CEP126: variants seen among roughly 807,000 people sequenced by gnomAD.
CEP126 encodes centrosomal protein 126.
A neutral mutation model predicts 107.8 loss-of-function variants in CEP126; 74 were observed. That is an observed-to-expected ratio of 0.69 (90% CI 0.57 to 0.83). The LOEUF is 0.83. Among genes scored for constraint, CEP126 ranks in the 40% least tolerant of loss-of-function variants. The pLI is 0.00. For missense variants in CEP126, 1,237 were observed against 1,281.9 expected (o/e 0.96, Z 0.53); for synonymous variants, 449 against 446.0 (o/e 1.01, Z -0.08).
At chr11:101,973,617 T>C (rs1017364701) in intron 6 of CEP126, among the ~76,000 whole-genome samples, 9 of 152,188 alleles carry the variant, frequency 5.9e-5, no homozygotes, top group African/African-American at 2.2e-4. Flanking sequence ...CACACATCTA[T>C]CTGTGTAACA....
chr11:101,946,423 G>C (rs1940737130), intron 3 of CEP126, among the ~76,000 whole-genome samples: 1 of 152,116 alleles, frequency 6.6e-6, no homozygotes, highest in Non-Finnish European at 1.5e-5. Flanking sequence ...TGGGAGGGTT[G>C]CTTGAGCCAA....
At chr11:101,970,710 T>C (rs1228373034) in intron 6 of CEP126, among the ~76,000 whole-genome samples, 1 of 152,198 alleles carries the variant, frequency 6.6e-6, no homozygotes, top group Non-Finnish European at 1.5e-5. Flanking sequence ...CTGTCCCATT[T>C]TATAAATGAG....
chr11:101,958,041 C>T, intron 4 of CEP126, 127 bp from the exon 5 acceptor site: 2 of 762,246 alleles, frequency 2.6e-6, no homozygotes, highest in South Asian at 1.9e-5. Flanking sequence ...TATATTTCTC[C>T]AATATCCTTA....
intron 5 of CEP126, among the ~76,000 whole-genome samples, chr11:101,958,899 A>G (rs527609750): frequency 6.6e-6 from 1 of 152,324 alleles, no homozygotes; most frequent in South Asian, 2.1e-4. Flanking sequence ...AAAACAGAAG[A>G]TTCCTGGCAG....
chr11:101,997,459 C>A, intron 10 of CEP126, 140 bp from the exon 11 acceptor site: 1 of 1,297,382 alleles, frequency 7.7e-7, no homozygotes, highest in Non-Finnish European at 1.1e-6. Context: ...CTATAAAGTC[C>A]TCTGCAATCT....
At position 101,962,854 on chromosome 11, in the gene CEP126, G is replaced by A. The variant is rs543975605; in HGVS notation, c.1819G>A (p.Ala607Thr). 6.9e-5 allele frequency: 111 copies of A among 1,605,530 alleles called. No individual in the cohort carries two copies. In the South Asian group the frequency reaches 1.2e-3, roughly 17 times the overall value. Residue 607 changes from alanine (A) to threonine (T), a missense_variant, in exon 6 of 11, where the codon GCA becomes ACA. Transcript: ENST00000263468. ...CTTTAAGTTTGGAAATCAAAAAGCA[G>A]CAGCTATCAGAGATAGTATTGAATT... ...QSFKFGNQKA[A>T]AIRDSIELTK...
intron 2 of CEP126, among the ~76,000 whole-genome samples, chr11:101,925,947 G>A (rs1224957978): frequency 6.6e-6 from 1 of 151,234 alleles, no homozygotes; most frequent in African/African-American, 2.4e-5. Flanking sequence ...GAGCCACTGT[G>A]CCCAGCCATC....
At position 101,958,369 on chromosome 11, in the gene CEP126, A is replaced by G. The variant is rs1940928445; in HGVS notation, c.705+3A>G. On this transcript the variant is annotated splice_donor_region_variant and intron_variant, in intron 5 of 10. Transcript: ENST00000263468. ...ATCAACATCTAAGCAATTTGCAAGTATGAAACTATAAAAATGTTGTTAATA... is the reference window on the plus strand; with the variant it reads ...ATCAACATCTAAGCAATTTGCAAGTGTGAAACTATAAAAATGTTGTTAATA... 2 of 1,610,262 alleles carry G rather than the reference A, an allele frequency of 1.2e-6. No individual in the cohort carries two copies. The highest frequency in any genetic ancestry group is 1.3e-5 in the African/African-American group (1 of 74,718).
intron 2 of CEP126, among the ~76,000 whole-genome samples, chr11:101,937,141 G>T (rs1259605350): frequency 6.6e-6 from 1 of 152,058 alleles, no homozygotes; most frequent in African/African-American, 2.4e-5. Flanking sequence ...AAATAATTTT[G>T]TGCATGAAAC....
chr11:101,921,706 CAAAAA>C (rs1169976779), intron 1 of CEP126, among the ~76,000 whole-genome samples: 1 of 49,412 alleles, frequency 2.0e-5, no homozygotes, highest in Non-Finnish European at 3.7e-5. Flanking sequence ...GACTCTGTCT[CAAAAA>C]AAAAAAAAAA....
chr11:101,948,064 C>G lies in CEP126; in HGVS notation c.428C>G (p.Ala143Gly), dbSNP rs141137406. ...AAACCAGTTCCTCCATTAGAAGAGG[C>G]CCTCAAACAAATTCAGGAATCCAAC... is the stretch of plus-strand genomic sequence containing the variant. ...SRKPVPPLEE[A>G]LKQIQESNLK... Residue 143 changes from alanine to glycine, a missense_variant, in exon 4 of 11, where the codon GCC (alanine) becomes GGC (glycine). Ala to Gly is a moderately conservative substitution (Grantham distance 60). Around this residue, in one of 3 missense-constraint regions of CEP126, gnomAD observed 1,134 missense variants for 1,150.5 expected, o/e 0.99. Transcript: ENST00000263468. 1 of 1,611,460 alleles carries G rather than the reference C, an allele frequency of 6.2e-7. No individual in the cohort carries two copies.
chr11:101,998,796 C>G lies in CEP126; in HGVS notation c.*1153C>G, dbSNP rs1479589237. 1.3e-5 allele frequency: 2 copies of G among 151,982 alleles called. No individual in the cohort carries two copies. The highest frequency in any genetic ancestry group is 2.9e-5 in the Non-Finnish European group (2 of 67,998). The allele number at this position is 151,982 out of a possible 1,614,324, so 9.4% of individuals were successfully genotyped here. ...TGCATATATTTTTTATTTAATCTGA[C>G]CAGCCACCCAAACCATGGGTATTTT... On this transcript the variant is annotated 3_prime_UTR_variant, in exon 11 of 11. Transcript: ENST00000263468.
At position 101,987,007 on chromosome 11, in the gene CEP126, A is replaced by G. The variant is rs142981418; in HGVS notation, c.3210A>G (p.Leu1070=). The change falls in exon 9 of 11, where the codon CTA becomes CTG. Residue 1070 remains leucine, a synonymous_variant. Coordinates refer to ENST00000263468, the MANE Select transcript of CEP126 (RefSeq NM_020802.4). ...CTLSAEEQKI[L]ESLNDLSERL... ...TGTCAGCTGAAGAACAGAAGATCCT[A>G]GAGTCCCTTAATGATCTCAGTGAAA... is the stretch of plus-strand genomic sequence containing the variant. 82 of 1,613,014 alleles carry G rather than the reference A, an allele frequency of 5.1e-5. No individual in the cohort carries two copies. The highest frequency in any genetic ancestry group is 2.8e-4 in the Admixed American group (17 of 60,020).
chr11:101,955,659 A>T (rs1940876189), intron 4 of CEP126: 2 of 345,138 alleles, frequency 5.8e-6, no homozygotes, highest in Non-Finnish European at 1.2e-5. Flanking sequence ...TCAAAGGATG[A>T]TCATACATGG....
intron 6 of CEP126, 37 bp downstream of exon 6, chr11:101,963,917 T>A (rs780564810): frequency 3.7e-6 from 5 of 1,348,172 alleles, no homozygotes; most frequent in East Asian, 4.6e-5. Flanking sequence ...AGATAAAATG[T>A]ACACCTTTGT....
intron 4 of CEP126, among the ~76,000 whole-genome samples, chr11:101,953,304 G>A (rs1246248942): frequency 6.6e-6 from 1 of 152,180 alleles, no homozygotes; most frequent in African/African-American, 2.4e-5. Flanking sequence ...TAATCAATGT[G>A]CCTTGTAACA....
In CEP126 at chr11:101,986,953, T is replaced by C; in HGVS notation, c.3156T>C (p.Asn1052=). The C allele has an allele frequency of 6.2e-7, 1 of 1,613,782 alleles. No homozygotes were observed. Among genetic ancestry groups the C allele is most frequent in the Non-Finnish European group, 8.5e-7 (1 of 1,179,814 alleles). ...KQIQKSNLPL[N]KTQQFNICTL... The stretch of plus-strand genomic sequence containing the variant: ...TACAGAAATCAAATCTACCTTTAAA[T>C]AAAACTCAACAATTCAACATCTGCA... The change falls in exon 9 of 11, where the codon AAT becomes AAC. Residue 1052 remains asparagine, a synonymous_variant. Coordinates refer to ENST00000263468, the MANE Select transcript of CEP126 (RefSeq NM_020802.4).
intron 2 of CEP126, among the ~76,000 whole-genome samples, chr11:101,930,021 GTT>G (rs1161432406): frequency 7.5e-6 from 1 of 133,176 alleles, no homozygotes; most frequent in African/African-American, 2.8e-5. Flanking sequence ...CAGGCTTCAA[GTT>G]TTTTTTCTGC....
At chr11:101,996,229 T>C (rs1941439532) in intron 10 of CEP126, among the ~76,000 whole-genome samples, 1 of 152,194 alleles carries the variant, frequency 6.6e-6, no homozygotes, top group African/African-American at 2.4e-5. Context: ...GCAGTTTCCA[T>C]AGATTTCCCC....
Sources: gnomAD v4.1 joint callset for allele counts (sites outside exome capture counted in the v4.1 genomes callset) on GRCh38, gnomAD v4.1.1 for gene constraint, gnomAD v4.1.1 regional missense constraint, MANE v1.5 for transcripts, NCBI Gene and HGNC (gene_info 2026-07-23, HGNC 2026-07-21) for gene names.